TENM1: variants seen among roughly 807,000 people sequenced by gnomAD.
The protein encoded by TENM1 is teneurin-1.
A neutral mutation model predicts 174.8 loss-of-function variants in TENM1; 35 were observed. The observed-to-expected ratio is 0.20, with a 90% CI of 0.15 to 0.27. TENM1 has a LOEUF of 0.27. Ranked by LOEUF, TENM1 falls within the 10% of genes least tolerant of loss-of-function variation. The probability of loss-of-function intolerance (pLI) is 1.00; values close to 1 mark genes in which losing one functional copy is unlikely to be tolerated. For synonymous variants in TENM1, 781 were observed against 798.7 expected, an observed-to-expected ratio of 0.98 and a Z score of 0.37; for missense variants, 1,633 against 2,130.1, an observed-to-expected ratio of 0.77 and a Z score of 4.59.
chrX:124,926,634 T>C (rs764562648), intron 1 of TENM1, among the ~76,000 whole-genome samples: 96 of 111,582 alleles, frequency 8.6e-4, no homozygotes, highest in Non-Finnish European at 1.4e-3. Flanking sequence ...TTAATGTACG[T>C]TGGATAGATA....
At chrX:124,587,605 T>A (rs935579045) in intron 11 of TENM1, among the ~76,000 whole-genome samples, 1 of 110,992 alleles carries the variant, frequency 9.0e-6, no homozygotes, top group African/African-American at 3.3e-5. Flanking sequence ...AACCTAGGCA[T>A]TACCATTCAG....
intron 25 of TENM1, chrX:124,411,828 G>A (rs924544645): frequency 8.9e-6 from 1 of 112,246 alleles, no homozygotes; most frequent in Admixed American, 9.4e-5. Context: ...ACAGGGGAAT[G>A]CATCTTTCCA....
At chrX:124,885,960 AT>A (rs1569474260) in intron 3 of TENM1, among the ~76,000 whole-genome samples, 2 of 111,895 alleles carry the variant, frequency 1.8e-5, no homozygotes, top group African/African-American at 6.5e-5. Context: ...AATCTCATGA[AT>A]ATCTATCAAA....
At chrX:124,481,075 G>A in intron 22 of TENM1, among the ~76,000 whole-genome samples, 1 of 111,233 alleles carries the variant, frequency 9.0e-6, no homozygotes. Context: ...AGTAAATTTA[G>A]GACAAATAAA....
At chrX:125,186,792 A>T in the TENM1 span, among the ~76,000 whole-genome samples, 2 of 111,463 alleles carry the variant, frequency 1.8e-5, no homozygotes, top group Non-Finnish European at 3.8e-5. Context: ...GCATTCCTTT[A>T]TGGCATGACG....
intron 1 of TENM1, among the ~76,000 whole-genome samples, chrX:124,951,673 T>TATATATATA (rs767583231): frequency 1.4e-4 from 9 of 66,060 alleles, no homozygotes; most frequent in Admixed American, 3.7e-4. Flanking sequence ...TATATATATA[T>TATATATATA]AACAATCAAT....
At chrX:124,944,997 T>C (rs959796028) in intron 1 of TENM1, among the ~76,000 whole-genome samples, 1 of 110,704 alleles carries the variant, frequency 9.0e-6, no homozygotes, top group East Asian at 2.8e-4. Flanking sequence ...ATGTCCCAGT[T>C]TAGACAATAA....
chrX:125,007,468 T>C, the TENM1 span, among the ~76,000 whole-genome samples: 2 of 111,311 alleles, frequency 1.8e-5, no homozygotes, highest in Admixed American at 9.5e-5. Flanking sequence ...CTTCAGGATA[T>C]TGTCCAGGAG....
At chrX:124,719,460 T>C (rs1457307815) in intron 4 of TENM1, among the ~76,000 whole-genome samples, 1 of 111,454 alleles carries the variant, frequency 9.0e-6, no homozygotes, top group Non-Finnish European at 1.9e-5. Context: ...GCAGAATATA[T>C]AATAATCATA....
At chrX:125,042,310 T>A in the TENM1 span, among the ~76,000 whole-genome samples, 1 of 111,495 alleles carries the variant, frequency 9.0e-6, no homozygotes, top group South Asian at 3.7e-4. Context: ...AGTAGGTAAC[T>A]TTGGTCTTTG....
At chrX:124,860,791 A>G (rs780544881) in intron 3 of TENM1, among the ~76,000 whole-genome samples, 9 of 111,594 alleles carry the variant, frequency 8.1e-5, no homozygotes, top group Non-Finnish European at 1.3e-4. Context: ...AGAGAAAACC[A>G]CTTTTCTCCT....
In TENM1 at chrX:124,669,557, TA is replaced by T. The variant is rs920048183; in HGVS notation, c.1168+2125del. ...GTTTGGATTAGTATACATATGGCAT[TA>T]AAAAAAAAAGGAGCTATGTTTTTAC... is the stretch of plus-strand genomic sequence containing the variant. On this transcript the variant is annotated intron_variant, in intron 6 of 31. Transcript: ENST00000422452. Among the ~76,000 whole-genome samples the T allele has an allele frequency of 2.6e-3, 272 of 104,560 alleles. 2 individuals are homozygous for T. The highest frequency in any genetic ancestry group is 0.018 in the East Asian group (62 of 3,376). 90.8% of individuals were successfully genotyped at this position (104,560 alleles called of 115,157 possible).
At chrX:124,867,024 A>G (rs773443119) in intron 3 of TENM1, among the ~76,000 whole-genome samples, 8 of 111,098 alleles carry the variant, frequency 7.2e-5, no homozygotes, top group Non-Finnish European at 1.3e-4. Context: ...AGAAAAGAAA[A>G]GCCTGGTGGT....
the TENM1 span, among the ~76,000 whole-genome samples, chrX:125,055,519 C>A: frequency 9.0e-6 from 1 of 111,373 alleles, no homozygotes; most frequent in South Asian, 3.8e-4. Context: ...TTCTATTTTC[C>A]CACCAACTAC....
At chrX:124,574,248 A>T (rs369183900) in intron 11 of TENM1, among the ~76,000 whole-genome samples, 1 of 111,581 alleles carries the variant, frequency 9.0e-6, no homozygotes, top group South Asian at 3.8e-4. Flanking sequence ...ATTTGATTAA[A>T]CAGTAAATCC....
chrX:125,145,056 A>T, the TENM1 span, among the ~76,000 whole-genome samples: 7 of 111,393 alleles, frequency 6.3e-5, no homozygotes, highest in Non-Finnish European at 1.3e-4. Flanking sequence ...CTGCTCATAA[A>T]TATTTAATGA....
At chrX:124,560,964 A>C (rs1203050686) in intron 14 of TENM1, among the ~76,000 whole-genome samples, 1 of 111,172 alleles carries the variant, frequency 9.0e-6, no homozygotes, top group Middle Eastern at 4.2e-3. Context: ...TGGCTTTCCT[A>C]AGAGAAGTGG....
intron 3 of TENM1, among the ~76,000 whole-genome samples, chrX:124,750,828 C>T (rs762387831): frequency 1.1e-4 from 12 of 111,930 alleles, no homozygotes; most frequent in Non-Finnish European, 1.7e-4. Flanking sequence ...TGTGCTTATA[C>T]CAATCTTGTC....
At chrX:125,062,061 A>G in the TENM1 span, among the ~76,000 whole-genome samples, 24 of 112,324 alleles carry the variant, frequency 2.1e-4, no homozygotes, top group African/African-American at 6.8e-4. Flanking sequence ...ATTTGGGGCA[A>G]GTCACTTAAT....
Sources: allele counts gnomAD v4.1 joint callset (sites outside exome capture counted in the v4.1 genomes callset), GRCh38; gene constraint gnomAD v4.1.1; transcripts MANE v1.5; gene names NCBI Gene and HGNC (gene_info 2026-07-23, HGNC 2026-07-21).